SDK1: variants seen among roughly 807,000 people sequenced by gnomAD.
SDK1 encodes the protein sidekick cell adhesion molecule 1, also known as protein sidekick-1.
Under a neutral mutation model 245.5 loss-of-function variants are expected in SDK1, and 157 were observed. The ratio of observed to expected loss-of-function variants is 0.64; its 90% CI spans 0.56 to 0.73. The LOEUF (loss-of-function observed/expected upper bound fraction) is 0.73. SDK1 is among the 30% of genes least tolerant of loss of function. SDK1 has a pLI of 0.00. For synonymous variants in SDK1, 1,647 were observed against 1,278.5 expected, an observed-to-expected ratio of 1.29 and a Z score of -6.15; for missense variants, 3,583 against 3,002.3, an observed-to-expected ratio of 1.19 and a Z score of -4.52.
chr7:4,138,787 A>G (rs1779265421), intron 28 of SDK1, among the ~76,000 whole-genome samples: 1 of 151,224 alleles, frequency 6.6e-6, no homozygotes, highest in South Asian at 2.1e-4. Flanking sequence ...AGAAGGAAGG[A>G]GGGAAGGAAA....
At chr7:4,122,161 T>C (rs8180800) in intron 25 of SDK1, among the ~76,000 whole-genome samples, 103,561 of 152,022 alleles carry the variant, frequency 0.68, 36,304 homozygotes, top group East Asian at 0.89. Flanking sequence ...CTCATCAGAA[T>C]GGAGATTTCA....
At chr7:3,417,374 C>G (rs560493667) in intron 1 of SDK1, among the ~76,000 whole-genome samples, 1 of 152,206 alleles carries the variant, frequency 6.6e-6, no homozygotes, top group Non-Finnish European at 1.5e-5. Context: ...GTCTGACCAT[C>G]TTAGTTCTCA....
At chr7:4,167,747 AG>A (rs1183770489) in intron 32 of SDK1, among the ~76,000 whole-genome samples, 6 of 152,254 alleles carry the variant, frequency 3.9e-5, no homozygotes, top group African/African-American at 1.4e-4. Flanking sequence ...AGACATGCGA[AG>A]GGCTGGGGAC....
chr7:3,811,754 T>C (rs999967308), intron 4 of SDK1, among the ~76,000 whole-genome samples: 5 of 152,124 alleles, frequency 3.3e-5, no homozygotes, highest in African/African-American at 1.2e-4. Flanking sequence ...GGCACGTGGG[T>C]AGATGGTCAG....
intron 1 of SDK1, among the ~76,000 whole-genome samples, chr7:3,409,474 G>C (rs973898417): frequency 2.6e-5 from 4 of 152,130 alleles, no homozygotes; most frequent in Non-Finnish European, 4.4e-5. Flanking sequence ...GGACTTTGAA[G>C]TGTTACTGCT....
At chr7:3,778,986 G>C (rs576441141) in intron 4 of SDK1, among the ~76,000 whole-genome samples, 1 of 152,324 alleles carries the variant, frequency 6.6e-6, no homozygotes, top group East Asian at 1.9e-4. Context: ...AGATTCCATT[G>C]TAGCAGCAGC....
At chr7:3,703,154 A>G (rs769698551) in intron 4 of SDK1, among the ~76,000 whole-genome samples, 29 of 152,206 alleles carry the variant, frequency 1.9e-4, no homozygotes, top group Non-Finnish European at 3.2e-4. Flanking sequence ...TCTACACAAA[A>G]TATGCTTCTG....
chr7:3,792,372 T>A (rs1781124478), intron 4 of SDK1, among the ~76,000 whole-genome samples: 3 of 152,186 alleles, frequency 2.0e-5, no homozygotes, highest in Non-Finnish European at 4.4e-5. Context: ...TCATTTCTAG[T>A]GAACATTAGA....
intron 1 of SDK1, among the ~76,000 whole-genome samples, chr7:3,381,229 G>A (rs1781479521): frequency 6.6e-6 from 1 of 152,132 alleles, no homozygotes; most frequent in African/African-American, 2.4e-5. Flanking sequence ...GGGGCAAGTG[G>A]GAGGAGGTGG....
chr7:3,624,610 C>G (rs1782054471), intron 2 of SDK1, among the ~76,000 whole-genome samples: 1 of 152,134 alleles, frequency 6.6e-6, no homozygotes, highest in Non-Finnish European at 1.5e-5. Flanking sequence ...ATTTTCACAA[C>G]ATTAAGTGAA....
intron 1 of SDK1, chr7:3,338,373 CT>C: frequency 1.9e-6 from 1 of 525,974 alleles, no homozygotes; most frequent in Non-Finnish European, 3.6e-6. Flanking sequence ...GGGCACGACT[CT>C]TGCCAAGAGA....
chr7:4,024,838 GTTTTTC>G (rs1037696372), intron 17 of SDK1, among the ~76,000 whole-genome samples: 5 of 152,096 alleles, frequency 3.3e-5, no homozygotes, highest in African/African-American at 1.2e-4. Flanking sequence ...TTTTGTTTTT[GTTTTTC>G]ATTCTGTGTA....
At chr7:3,843,052 A>G (rs2115091063) in intron 5 of SDK1, among the ~76,000 whole-genome samples, 1 of 152,232 alleles carries the variant, frequency 6.6e-6, no homozygotes. Context: ...CCCATGTGTA[A>G]TGAAGAGCCT....
At chr7:3,334,302 A>T (rs946926762) in intron 1 of SDK1, among the ~76,000 whole-genome samples, 1 of 152,158 alleles carries the variant, frequency 6.6e-6, no homozygotes, top group African/African-American at 2.4e-5. Context: ...TTGTTTGCTG[A>T]TGAAAGCAGC....
At chr7:4,233,974 G>T (rs779552448) in intron 41 of SDK1, among the ~76,000 whole-genome samples, 1 of 152,170 alleles carries the variant, frequency 6.6e-6, no homozygotes, top group African/African-American at 2.4e-5. Flanking sequence ...TGTCCCCTCC[G>T]CAACAAAATC....
intron 1 of SDK1, among the ~76,000 whole-genome samples, chr7:3,527,772 G>C (rs1783193408): frequency 6.7e-6 from 1 of 149,448 alleles, no homozygotes; most frequent in Non-Finnish European, 1.5e-5. Context: ...GTAGTGGTAG[G>C]TGAGGTTGGA....
intron 3 of SDK1, among the ~76,000 whole-genome samples, chr7:3,640,828 C>G (rs550406689): frequency 6.6e-6 from 1 of 152,094 alleles, no homozygotes; most frequent in South Asian, 2.1e-4. Context: ...GGATTACAGG[C>G]ACCCACCACC....
At chr7:3,625,931 T>G (rs1782102240) in intron 2 of SDK1, among the ~76,000 whole-genome samples, 2 of 130,248 alleles carry the variant, frequency 1.5e-5, no homozygotes, top group Admixed American at 1.7e-4. Flanking sequence ...TTTTCTTTCT[T>G]TCTTTTCTTT....
intron 17 of SDK1, among the ~76,000 whole-genome samples, chr7:4,035,492 C>T (rs927902032): frequency 3.3e-5 from 5 of 152,070 alleles, no homozygotes; most frequent in African/African-American, 1.2e-4. Flanking sequence ...CTGTTTTCAG[C>T]CATTGGAATG....
Sources: allele counts gnomAD v4.1 joint callset (sites outside exome capture counted in the v4.1 genomes callset), GRCh38; gene constraint gnomAD v4.1.1; transcripts MANE v1.5; gene names NCBI Gene and HGNC (gene_info 2026-07-23, HGNC 2026-07-21).